EBPL: variants seen among roughly 807,000 people sequenced by gnomAD.
The protein encoded by EBPL is EBP like.
Under a neutral mutation model 19.0 loss-of-function variants are expected in EBPL, and 20 were observed. The observed-to-expected ratio is 1.05, with a 90% confidence interval of 0.74 to 1.53. The LOEUF (loss-of-function observed/expected upper bound fraction) is 1.53. Among genes scored for constraint, EBPL ranks in the 40% most tolerant of loss-of-function variants. The pLI is 0.00. For missense variants in EBPL, 219 were observed against 261.1 expected (o/e 0.84, Z 1.11); for synonymous variants, 107 against 117.0 (o/e 0.91, Z 0.55).
At chr13:49,667,835 A>G (rs1199086785) in intron 2 of EBPL, among the ~76,000 whole-genome samples, 3 of 152,198 alleles carry the variant, frequency 2.0e-5, no homozygotes, top group Admixed American at 2.0e-4. Context: ...TGATAGAGAA[A>G]GCCTGTGTTA....
intron 1 of EBPL, among the ~76,000 whole-genome samples, chr13:49,678,536 C>T (rs1953905254): frequency 6.6e-6 from 1 of 152,220 alleles, no homozygotes; most frequent in South Asian, 2.1e-4. Context: ...GCTCACCCTC[C>T]ACAGCTGCTG....
At chr13:49,685,184 T>C (rs1376489721) in intron 1 of EBPL, among the ~76,000 whole-genome samples, 2 of 152,256 alleles carry the variant, frequency 1.3e-5, no homozygotes, top group Non-Finnish European at 2.9e-5. Flanking sequence ...CTTTATCAGA[T>C]ATTGAACTAC....
chr13:49,661,106 G>A lies in EBPL; in HGVS notation c.483C>T (p.Asn161=). ...ACAGGTAAAGCCAACAGTACAGCCA[G>A]TTGCTGGTGTTGAGGTTGGGGCTTC... ...LTRSPNLNTS[N]WLYCWLYLFF... is the part of the protein sequence containing the mutation. The change falls in exon 4 of 4, where the codon AAC becomes AAT. Residue 161 remains asparagine (N), a synonymous_variant. Transcript: ENST00000242827. 1.9e-6 allele frequency: 3 copies of A among 1,614,154 alleles called. No individual in the cohort carries two copies. Among genetic ancestry groups the A allele is most frequent in the Non-Finnish European group, 2.5e-6 (3 of 1,180,032 alleles).
chr13:49,680,887 A>C (rs1953935771), intron 1 of EBPL, among the ~76,000 whole-genome samples: 1 of 152,166 alleles, frequency 6.6e-6, no homozygotes, highest in African/African-American at 2.4e-5. Flanking sequence ...GTTAAAAAAA[A>C]ATTATAAAAA....
intron 1 of EBPL, among the ~76,000 whole-genome samples, chr13:49,672,652 C>T (rs772306918): frequency 1.3e-5 from 2 of 152,056 alleles, no homozygotes; most frequent in African/African-American, 4.8e-5. Context: ...GACATCTCAC[C>T]GGAAAGTACA....
intron 3 of EBPL, 53 bp downstream of exon 3, chr13:49,663,004 T>C (rs1339135134): frequency 3.7e-6 from 6 of 1,606,462 alleles, no homozygotes; most frequent in Non-Finnish European, 5.1e-6. Flanking sequence ...ACCTAAGTGT[T>C]GGGACATGTA....
intron 3 of EBPL, chr13:49,662,025 G>C: frequency 8.9e-7 from 1 of 1,128,404 alleles, no homozygotes; most frequent in Non-Finnish European, 1.3e-6. Context: ...ACAGAGTCTC[G>C]CTCTGTCACC....
chr13:49,691,030 G>A (rs1276990981), intron 1 of EBPL, among the ~76,000 whole-genome samples: 1 of 152,210 alleles, frequency 6.6e-6, no homozygotes, highest in Admixed American at 6.5e-5. Flanking sequence ...AAGTTTGGTG[G>A]AGGAATCGGC....
intron 2 of EBPL, 120 bp downstream of exon 2, chr13:49,669,657 C>G: frequency 1.1e-6 from 1 of 872,364 alleles, no homozygotes; most frequent in Non-Finnish European, 1.8e-6. Flanking sequence ...TCTACAGACT[C>G]ACCTATTCTG....
At position 49,691,274 on chromosome 13, in the gene EBPL, C is replaced by A. The variant is rs1954061067; in HGVS notation, c.151G>T (p.Ala51Ser). The change falls in exon 1 of 4, where the codon GCG becomes TCG. Residue 51 changes from alanine (A) to serine (S), a missense_variant. Transcript: ENST00000242827. ...CTTACCAGCGCGAAGTGCACCAGCG[C>A]GTCGTAGCAGAGCCAGATGAGCGCC... ...RGALIWLCYDALVHFALEGPF... is the reference protein window; with the variant it reads ...RGALIWLCYDSLVHFALEGPF... The A allele has an allele frequency of 7.8e-6, 11 of 1,404,156 alleles. No homozygotes were observed. The highest frequency in any genetic ancestry group is 1.0e-5 in the Non-Finnish European group (11 of 1,073,660). The allele number at this position is 1,404,156 out of a possible 1,614,324, so 87.0% of individuals were successfully genotyped here.
At chr13:49,679,873 TAG>T (rs1427493395) in intron 1 of EBPL, among the ~76,000 whole-genome samples, 4 of 146,648 alleles carry the variant, frequency 2.7e-5, no homozygotes, top group African/African-American at 9.7e-5. Context: ...AAGAAAAAAA[TAG>T]AGTCAAGCTA....
chr13:49,674,802 T>C (rs1368189320), intron 1 of EBPL, among the ~76,000 whole-genome samples: 1 of 152,052 alleles, frequency 6.6e-6, no homozygotes, highest in African/African-American at 2.4e-5. Flanking sequence ...GCCCAGAGGA[T>C]GGTGTGAGGC....
intron 1 of EBPL, among the ~76,000 whole-genome samples, chr13:49,681,869 A>T (rs1207231199): frequency 6.6e-6 from 1 of 152,230 alleles, no homozygotes; most frequent in Non-Finnish European, 1.5e-5. Flanking sequence ...AAACATGGCA[A>T]CATTCACTTT....
intron 1 of EBPL, chr13:49,686,481 TTTTC>T (rs1486036165): frequency 4.7e-6 from 6 of 1,287,404 alleles, no homozygotes; most frequent in South Asian, 3.7e-5. Flanking sequence ...TCACCTTTTA[TTTTC>T]TTTCTTTTTT....
chr13:49,672,720 C>T (rs1292838426), intron 1 of EBPL, among the ~76,000 whole-genome samples: 1 of 152,184 alleles, frequency 6.6e-6, no homozygotes, highest in Non-Finnish European at 1.5e-5. Context: ...ACCAAGGAAA[C>T]ACACCTTCAA....
At chr13:49,678,550 C>T (rs1462538894) in intron 1 of EBPL, among the ~76,000 whole-genome samples, 4 of 152,224 alleles carry the variant, frequency 2.6e-5, no homozygotes, top group Admixed American at 6.5e-5. Context: ...GCTGCTGGCC[C>T]GGGTGCTAAG....
At chr13:49,691,140 G>A (rs1032771107) in intron 1 of EBPL, 114 bp downstream of exon 1, 1 of 979,508 alleles carries the variant, frequency 1.0e-6, no homozygotes, top group Non-Finnish European at 1.3e-6. Flanking sequence ...CCTGCAGCAG[G>A]GGGAGGGGCG....
intron 1 of EBPL, among the ~76,000 whole-genome samples, chr13:49,671,641 C>T (rs1283315930): frequency 6.6e-6 from 1 of 152,190 alleles, no homozygotes; most frequent in African/African-American, 2.4e-5. Flanking sequence ...AAAGCACATC[C>T]ACTGGGCTGG....
intron 1 of EBPL, among the ~76,000 whole-genome samples, chr13:49,690,164 A>G (rs1055164045): frequency 7.1e-6 from 1 of 140,520 alleles, no homozygotes; most frequent in Non-Finnish European, 1.6e-5. Context: ...ACAACAACAA[A>G]AAAAAAGACA....
Sources: allele counts gnomAD v4.1 joint callset (sites outside exome capture counted in the v4.1 genomes callset), GRCh38; gene constraint gnomAD v4.1.1; transcripts MANE v1.5; gene names NCBI Gene and HGNC (gene_info 2026-07-23, HGNC 2026-07-21).